HERC2: variants seen among roughly 807,000 people sequenced by gnomAD.
The protein encoded by HERC2 is HECT and RLD domain containing E3 ubiquitin protein ligase 2.
A neutral mutation model predicts 537.7 loss-of-function variants in HERC2; 102 were observed. That is an observed-to-expected ratio of 0.19 (90% CI 0.16 to 0.22). The LOEUF is 0.22. Ranked by LOEUF, HERC2 falls within the 10% of genes least tolerant of loss-of-function variation. HERC2 has a pLI of 1.00. For synonymous variants in HERC2, 2,224 were observed against 2,466.2 expected (o/e 0.90, Z 2.91); for missense variants, 4,236 against 6,198.2 (o/e 0.68, Z 10.63).
chr15:28,273,256 T>C (rs1310793396), intron 7 of HERC2: 6 of 542,334 alleles, frequency 1.1e-5, no homozygotes, highest in African/African-American at 5.7e-5. Context: ...ACTCCATGTA[T>C]ATGAAGCATA....
rs757456331 is a variant in HERC2 at position 28,228,399 on chromosome 15, C to T, written c.5283G>A (p.Pro1761=). The T allele has an allele frequency of 6.8e-6, 11 of 1,611,814 alleles. No individual in the cohort carries two copies. In the South Asian group the frequency reaches 7.7e-5, roughly 11 times the overall value. Residue 1761 remains proline, a synonymous_variant, in exon 35 of 93, where the codon CCG becomes CCA. Transcript: ENST00000261609. ...CATTGGTGATGGTTTGCAGGGGAAC[C>T]GGCTGGATACCTAATGAGCATTGGC... ...SAKFKELGIQ[P]VPLQTITNEN...
At position 28,176,807 on chromosome 15, in the gene HERC2, G is replaced by A; in HGVS notation, c.9433-39C>T. On this transcript the variant is annotated intron_variant, in intron 61 of 92. Transcript: ENST00000261609. This position sits in a 1 kb window ranked among gnomAD's most constrained non-coding sequence, Gnocchi z 5.0. ...AATTTAAAAACAGAATCACGCACAG[G>A]CACGGAGAAAGCAATGGATTTTCCC... 6.3e-7 allele frequency: 1 copy of A among 1,598,056 alleles called. No homozygotes were observed. Among genetic ancestry groups the A allele is most frequent in the Non-Finnish European group, 8.6e-7 (1 of 1,167,458 alleles).
Position 28,132,943 on chromosome 15 carries a change from T to C in HERC2, c.12231-113A>G, listed in dbSNP as rs1050246387. On this transcript the variant is annotated intron_variant, in intron 79 of 92. Transcript: ENST00000261609. Reference sequence around the variant, plus strand: ...CCTAATCAGTTAATTGTTAAATCAATCAAGAAGAATCATTCAGACCTAAAC... The same window carrying C: ...CCTAATCAGTTAATTGTTAAATCAACCAAGAAGAATCATTCAGACCTAAAC... 11 of 882,006 alleles carry C rather than the reference T, an allele frequency of 1.2e-5. No homozygotes were observed. In the African/African-American group the frequency reaches 1.8e-4, roughly 14 times the overall value. The allele number at this position is 882,006 out of a possible 1,614,324, so 54.6% of individuals were successfully genotyped here. A position where few individuals can be genotyped will look rare whatever the true frequency, so the allele number is the denominator to read the frequency against.
Position 28,122,028 on chromosome 15 carries a change from C to T in HERC2, c.13189-599G>A, listed in dbSNP as rs1176190902. Among the ~76,000 whole-genome samples, 1 of 151,284 alleles carries T rather than the reference C, an allele frequency of 6.6e-6. No individual in the cohort carries two copies. The highest frequency in any genetic ancestry group is 1.5e-5 in the Non-Finnish European group (1 of 67,838). Reference sequence around the variant, plus strand: ...GAGCCAGCCGGACCTTGGATCGCCACTGCCTGCCATACAGCAGCCACGGGG... The same window carrying T: ...GAGCCAGCCGGACCTTGGATCGCCATTGCCTGCCATACAGCAGCCACGGGG... On this transcript the variant is annotated intron_variant, in intron 85 of 92. Coordinates refer to ENST00000261609, the MANE Select transcript of HERC2 (RefSeq NM_004667.6). This position sits in a 1 kb window ranked among gnomAD's most constrained non-coding sequence, Gnocchi z 4.1.
At chr15:28,255,172 C>CA (rs35502049) in intron 19 of HERC2, among the ~76,000 whole-genome samples, 9 of 151,924 alleles carry the variant, frequency 5.9e-5, no homozygotes, top group East Asian at 1.9e-4. Context: ...CTTGTCTCTA[C>CA]AAAAAAATCA....
chr15:28,173,075 T>C (rs1350728701), intron 65 of HERC2, among the ~76,000 whole-genome samples: 6 of 152,198 alleles, frequency 3.9e-5, no homozygotes, highest in Non-Finnish European at 7.3e-5. Context: ...TCAGTATAAC[T>C]AAAATTAAAG....
intron 4 of HERC2, among the ~76,000 whole-genome samples, chr15:28,288,763 G>C (rs566311994): frequency 1.3e-5 from 2 of 150,610 alleles, no homozygotes; most frequent in Non-Finnish European, 2.9e-5. Context: ...CAGGAGACTC[G>C]CTTGAACCCA....
In HERC2 at chr15:28,308,908, T is replaced by C. The variant is rs564463290; in HGVS notation, c.73-9392A>G. 4.6e-5 allele frequency among the ~76,000 whole-genome samples: 7 copies of C among 152,370 alleles called. No homozygotes were observed. In the South Asian group the frequency reaches 6.2e-4, roughly 14 times the overall value. On this transcript the variant is annotated intron_variant, in intron 2 of 92. Coordinates refer to ENST00000261609, the MANE Select transcript of HERC2 (RefSeq NM_004667.6). ...AGGGATAAACCCCACTTGGTCACAA[T>C]GAACGATCTTTCTAACGTATTGCTG...
intron 2 of HERC2, among the ~76,000 whole-genome samples, chr15:28,306,480 T>C (rs1461199815): frequency 1.3e-5 from 2 of 152,254 alleles, no homozygotes; most frequent in African/African-American, 4.8e-5. Context: ...TGCTGGTATT[T>C]TGTTGGGTAT....
In HERC2 at chr15:28,238,625, G is replaced by A. The variant is rs535939941; in HGVS notation, c.3725C>T (p.Ser1242Leu). 1.4e-5 allele frequency: 23 copies of A among 1,611,286 alleles called. No homozygotes were observed. Among genetic ancestry groups the A allele is most frequent in the Middle Eastern group, 4.5e-4 (2 of 4,428 alleles). The change falls in exon 24 of 93, where the codon TCG (serine) becomes TTG (leucine). Residue 1242 changes from serine to leucine, a missense_variant. Ser to Leu is a moderately radical substitution (Grantham distance 145). This residue lies in a region of HERC2 where 754 missense variants were observed against 1,085.0 expected (regional missense o/e 0.69). Transcript: ENST00000261609. ...VYDIKDFQTQSLTGNSILAQF... is the reference protein window; with the variant it reads ...VYDIKDFQTQLLTGNSILAQF... ...ACCAAGAATACTATTTCCTGTTAAC[G>A]ACTGTGTCTGGAAGTCCTTTATATC...
intron 4 of HERC2, among the ~76,000 whole-genome samples, chr15:28,287,528 G>A (rs2076188570): frequency 6.6e-6 from 1 of 152,036 alleles, no homozygotes; most frequent in Admixed American, 6.6e-5. Context: ...ACCTAGGTGA[G>A]GGGAAACAAG....
At chr15:28,262,300 G>C (rs1215680526) in intron 15 of HERC2, among the ~76,000 whole-genome samples, 1 of 152,110 alleles carries the variant, frequency 6.6e-6, no homozygotes, top group Non-Finnish European at 1.5e-5. Context: ...AACATCCCTA[G>C]TAAGAACACC....
In HERC2 at chr15:28,111,692, T is replaced by TAC; in HGVS notation, c.*69_*70dup. On this transcript the variant is annotated 3_prime_UTR_variant, in exon 93 of 93. Coordinates refer to ENST00000261609, the MANE Select transcript of HERC2 (RefSeq NM_004667.6). ...TTCTCATCAGACACACCAGGCAGCC[T>TAC]ACAGTCTACACAGCAGCGAGCGCTC... The TAC allele has an allele frequency of 6.6e-7, 1 of 1,524,070 alleles. No individual in the cohort carries two copies. Among genetic ancestry groups the TAC allele is most frequent in the Non-Finnish European group, 9.0e-7 (1 of 1,114,210 alleles). 94.4% of individuals were successfully genotyped at this position (1,524,070 alleles called of 1,614,324 possible).
At chr15:28,179,946 T>C (rs1895671328) in intron 57 of HERC2, among the ~76,000 whole-genome samples, 1 of 152,222 alleles carries the variant, frequency 6.6e-6, no homozygotes, top group Non-Finnish European at 1.5e-5. Context: ...GTTCATAAAG[T>C]TACAAATAAT....
chr15:28,306,880 G>T (rs928671880), intron 2 of HERC2, among the ~76,000 whole-genome samples: 1 of 152,142 alleles, frequency 6.6e-6, no homozygotes, highest in Admixed American at 6.5e-5. Flanking sequence ...TGTCACCCAG[G>T]CTGGAGTGCA....
chr15:28,207,926 A>G (rs1461420645), intron 44 of HERC2, among the ~76,000 whole-genome samples: 1 of 151,962 alleles, frequency 6.6e-6, no homozygotes, highest in East Asian at 1.9e-4. Context: ...AAATTTACAA[A>G]AACAGGTGCA....
chr15:28,305,865 G>C (rs1241161089), intron 2 of HERC2, among the ~76,000 whole-genome samples: 1 of 151,630 alleles, frequency 6.6e-6, no homozygotes, highest in Non-Finnish European at 1.5e-5. Flanking sequence ...AAAAGTGGGC[G>C]AAGGACATGA....
At chr15:28,284,872 G>A (rs1291333621) in intron 4 of HERC2, among the ~76,000 whole-genome samples, 3 of 136,550 alleles carry the variant, frequency 2.2e-5, no homozygotes, top group African/African-American at 5.4e-5. Context: ...AGCTGAGATC[G>A]TGCCACTTCA....
At chr15:28,112,839 T>C (rs1314323367) in intron 92 of HERC2, among the ~76,000 whole-genome samples, 1 of 152,226 alleles carries the variant, frequency 6.6e-6, no homozygotes, top group Non-Finnish European at 1.5e-5. Flanking sequence ...ACAGCAGTGA[T>C]GTATTCTGGG....
Sources: gnomAD v4.1 joint callset for allele counts (sites outside exome capture counted in the v4.1 genomes callset) on GRCh38, gnomAD v4.1.1 for gene constraint, gnomAD v4.1.1 regional missense constraint, Gnocchi (gnomAD v3.1) non-coding constraint, MANE v1.5 for transcripts, NCBI Gene and HGNC (gene_info 2026-07-23, HGNC 2026-07-21) for gene names.